Variants in SLC8A1 observed in about 807,000 individuals in gnomAD.
The protein encoded by SLC8A1 is solute carrier family 8 member A1, also known as sodium/calcium exchanger 1.
Under a neutral mutation model 68.3 loss-of-function variants are expected in SLC8A1, and 18 were observed. The ratio of observed to expected loss-of-function variants is 0.26; its 90% confidence interval spans 0.18 to 0.39. The LOEUF (loss-of-function observed/expected upper bound fraction) is 0.39. Among genes scored for constraint, SLC8A1 ranks in the 10% least tolerant of loss-of-function variants. The pLI, the probability that SLC8A1 is intolerant of heterozygous loss-of-function variation, is 1.00. For synonymous variants in SLC8A1, 475 were observed against 415.5 expected, an observed-to-expected ratio of 1.14 and a Z score of -1.74; for missense variants, 985 against 1,156.7, an observed-to-expected ratio of 0.85 and a Z score of 2.15.
chr2:40,148,060 C>T (rs2042772570), intron 6 of SLC8A1, among the ~76,000 whole-genome samples: 1 of 152,166 alleles, frequency 6.6e-6, no homozygotes, highest in Non-Finnish European at 1.5e-5. Flanking sequence ...GTGGTTTGTA[C>T]AGCAAAAATT....
At chr2:40,338,866 G>A (rs983611768) in intron 2 of SLC8A1, among the ~76,000 whole-genome samples, 3 of 151,940 alleles carry the variant, frequency 2.0e-5, no homozygotes, top group East Asian at 3.9e-4. Flanking sequence ...TGAAAACAGC[G>A]TGCTGTATCT....
intron 1 of SLC8A1, among the ~76,000 whole-genome samples, chr2:40,473,236 A>G (rs1704096147): frequency 1.3e-5 from 2 of 152,208 alleles, no homozygotes; most frequent in Non-Finnish European, 2.9e-5. Flanking sequence ...TGAAAGACAT[A>G]GAAAAATACC....
chr2:40,501,150 T>C (rs1039354686), intron 1 of SLC8A1, among the ~76,000 whole-genome samples: 1 of 152,090 alleles, frequency 6.6e-6, no homozygotes, highest in Non-Finnish European at 1.5e-5. Context: ...CCTTACTTCA[T>C]TGAGTTTTCT....
intron 7 of SLC8A1, among the ~76,000 whole-genome samples, chr2:40,134,644 T>C (rs1273947814): frequency 6.6e-6 from 1 of 152,186 alleles, no homozygotes; most frequent in African/African-American, 2.4e-5. Flanking sequence ...ATCATCTACT[T>C]ACCTCCCTCA....
At chr2:40,343,254 T>C (rs1674308771) in intron 2 of SLC8A1, among the ~76,000 whole-genome samples, 1 of 152,148 alleles carries the variant, frequency 6.6e-6, no homozygotes, top group Non-Finnish European at 1.5e-5. Context: ...CTCAATCTTA[T>C]TTGGCCATAG....
intron 2 of SLC8A1, among the ~76,000 whole-genome samples, chr2:40,354,705 G>C (rs1274523902): frequency 2.0e-5 from 3 of 152,092 alleles, no homozygotes; most frequent in Non-Finnish European, 4.4e-5. Context: ...AGTGTTTTAA[G>C]TTGTATAAAT....
chr2:40,325,777 CAAAAAAAA>C (rs3059526), intron 2 of SLC8A1, among the ~76,000 whole-genome samples: 46 of 45,008 alleles, frequency 1.0e-3, no homozygotes, highest in African/African-American at 3.0e-3. Context: ...ACTAAAAATA[CAAAAAAAA>C]AAAAAAAAAA....
At chr2:40,391,620 C>G (rs563800496) in intron 2 of SLC8A1, among the ~76,000 whole-genome samples, 76 of 152,086 alleles carry the variant, frequency 5.0e-4, no homozygotes, top group Admixed American at 8.5e-4. Flanking sequence ...AGAGTCTTTA[C>G]TTCAAAGTCT....
At chr2:40,410,644 GT>G (rs1445818985) in intron 2 of SLC8A1, among the ~76,000 whole-genome samples, 5 of 152,002 alleles carry the variant, frequency 3.3e-5, no homozygotes, top group African/African-American at 1.2e-4. Flanking sequence ...GTACACTATA[GT>G]TAAATCCAGC....
chr2:40,265,998 G>C (rs1283773296), intron 2 of SLC8A1, among the ~76,000 whole-genome samples: 1 of 152,136 alleles, frequency 6.6e-6, no homozygotes, highest in Non-Finnish European at 1.5e-5. Context: ...TTTCCCAAGG[G>C]GAGCCACTCT....
intron 2 of SLC8A1, among the ~76,000 whole-genome samples, chr2:40,348,206 A>C (rs965263372): frequency 1.3e-5 from 2 of 152,166 alleles, no homozygotes; most frequent in Non-Finnish European, 2.9e-5. Flanking sequence ...TCTGAGTTCA[A>C]ACTGCAGTTC....
intron 6 of SLC8A1, among the ~76,000 whole-genome samples, chr2:40,149,242 G>C (rs1417117680): frequency 6.6e-6 from 1 of 152,158 alleles, no homozygotes; most frequent in Non-Finnish European, 1.5e-5. Flanking sequence ...CATTTCTTTA[G>C]TAAGTATTTA....
intron 2 of SLC8A1, among the ~76,000 whole-genome samples, chr2:40,330,936 C>T (rs572437400): frequency 4.2e-4 from 64 of 152,182 alleles, no homozygotes; most frequent in African/African-American, 1.5e-3. Flanking sequence ...CAAACCAGAG[C>T]CACATACAAA....
At chr2:40,453,946 T>C (rs1702834217), upstream of SLC8A1, among the ~76,000 whole-genome samples, 1 of 152,194 alleles carries the variant, frequency 6.6e-6, no homozygotes, top group African/African-American at 2.4e-5. Flanking sequence ...CGTTCTTGCC[T>C]AAGAACATTT....
upstream of SLC8A1, among the ~76,000 whole-genome samples, chr2:40,452,233 G>C (rs1253306617): frequency 1.3e-5 from 2 of 149,926 alleles, no homozygotes; most frequent in Non-Finnish European, 3.0e-5. Context: ...TCGCTCACAC[G>C]CGCGCTCGGC....
chr2:40,136,755 G>A lies in SLC8A1; in HGVS notation c.2437+2646C>T, dbSNP rs568418870. 3.3e-5 allele frequency among the ~76,000 whole-genome samples: 5 copies of A among 152,208 alleles called. No individual in the cohort carries two copies. The East Asian group carries it at 9.7e-4, about 29-fold the overall frequency. ...AGGATATATAATAAAACATTGCTCTGAATCAGCAGGGTCAAAAAATAAAGT... is the reference window on the plus strand; with the variant it reads ...AGGATATATAATAAAACATTGCTCTAAATCAGCAGGGTCAAAAAATAAAGT... On this transcript the variant is annotated intron_variant, in intron 7 of 7. Transcript: ENST00000406785.
intron 1 of SLC8A1, among the ~76,000 whole-genome samples, chr2:40,464,367 C>G (rs1703534456): frequency 6.6e-6 from 1 of 152,194 alleles, no homozygotes; most frequent in African/African-American, 2.4e-5. Context: ...ATTTCTACCT[C>G]TTTGTTTGCA....
rs1558721203 is a variant in SLC8A1, at chr2:40,200,196, ATATATATATAAATATATATATATT to A, written c.1809-22365_1809-22342del. Among the ~76,000 whole-genome samples the A allele has an allele frequency of 2.1e-4, 5 of 24,312 alleles. 1 individual carries two copies. Among genetic ancestry groups the A allele is most frequent in the African/African-American group, 8.7e-4 (5 of 5,780 alleles). 15.9% of individuals were successfully genotyped at this position (24,312 alleles called of 152,430 possible). Reference sequence around the variant, plus strand: ...TTGATATATATATATATATATTTATATATATATATAAATATATATATATTTTTTTATATATATATATAAATATAT... The same window carrying A: ...TTGATATATATATATATATATTTATATTTTTATATATATATATAAATATAT... On this transcript the variant is annotated intron_variant, in intron 2 of 7. Transcript: ENST00000406785.
chr2:40,210,982 C>T (rs2056479857), intron 2 of SLC8A1, among the ~76,000 whole-genome samples: 1 of 152,200 alleles, frequency 6.6e-6, no homozygotes, highest in Non-Finnish European at 1.5e-5. Flanking sequence ...TAGATTTTAT[C>T]AAGACCCTCA....
Sources: gnomAD v4.1 joint callset for allele counts (sites outside exome capture counted in the v4.1 genomes callset) on GRCh38, gnomAD v4.1.1 for gene constraint, MANE v1.5 for transcripts, NCBI Gene and HGNC (gene_info 2026-07-23, HGNC 2026-07-21) for gene names.